LRRTM3: variants seen among roughly 807,000 people sequenced by gnomAD.
LRRTM3 encodes leucine rich repeat transmembrane neuronal 3.
Under a neutral mutation model 44.7 loss-of-function variants are expected in LRRTM3, and 24 were observed. That is an observed-to-expected ratio of 0.54 (90% confidence interval 0.39 to 0.76). The LOEUF (loss-of-function observed/expected upper bound fraction) is 0.76. LRRTM3 is among the 30% of genes least tolerant of loss of function. The probability of loss-of-function intolerance (pLI) is 0.00; values close to 1 mark genes in which losing one functional copy is unlikely to be tolerated. For missense variants in LRRTM3, 587 were observed against 702.2 expected, an observed-to-expected ratio of 0.84 and a Z score of 1.85; for synonymous variants, 277 against 278.7, an observed-to-expected ratio of 0.99 and a Z score of 0.06.
In LRRTM3 at chr10:66,928,302, G is replaced by GA; in HGVS notation, c.1391dup (p.Lys465GlufsTer20). On this transcript the variant is annotated frameshift_variant, in exon 2 of 3. Coordinates refer to ENST00000361320, the MANE Select transcript of LRRTM3 (RefSeq NM_178011.5). LOFTEE classifies it high-confidence loss of function. ...AGCGCTCCCTCATGCGAAGGCACAG[G>GA]AAAAAGAAAAGACAGTCCCTAAAGC... The GA allele has an allele frequency of 6.2e-7, 1 of 1,614,096 alleles. No homozygotes were observed. The highest frequency in any genetic ancestry group is 8.5e-7 in the Non-Finnish European group (1 of 1,180,022).
At chr10:67,059,583 G>A (rs1855640177) in intron 2 of LRRTM3, among the ~76,000 whole-genome samples, 1 of 152,108 alleles carries the variant, frequency 6.6e-6, no homozygotes, top group Admixed American at 6.6e-5. Flanking sequence ...GAGTCTTAAA[G>A]GATTTTTAAA....
chr10:66,984,866 C>T (rs1341552037), intron 2 of LRRTM3, among the ~76,000 whole-genome samples: 1 of 152,120 alleles, frequency 6.6e-6, no homozygotes, highest in Non-Finnish European at 1.5e-5. Flanking sequence ...CTGCCTTTTA[C>T]TGACACACAT....
At chr10:66,940,164 G>A (rs984798424) in intron 2 of LRRTM3, among the ~76,000 whole-genome samples, 3 of 152,064 alleles carry the variant, frequency 2.0e-5, no homozygotes, top group South Asian at 2.1e-4. Flanking sequence ...GATGGAAAAC[G>A]TTGTTCTGAA....
chr10:67,069,538 A>T (rs1274276161), intron 2 of LRRTM3, among the ~76,000 whole-genome samples: 1 of 151,946 alleles, frequency 6.6e-6, no homozygotes, highest in Non-Finnish European at 1.5e-5. Context: ...AACAGATATT[A>T]CAAGGTGTAC....
intron 2 of LRRTM3, among the ~76,000 whole-genome samples, chr10:66,952,244 G>C (rs189917702): frequency 6.6e-6 from 1 of 152,164 alleles, no homozygotes. Flanking sequence ...CATTGTAATT[G>C]AAACTATGCA....
At chr10:67,005,560 G>C (rs1320075221) in intron 2 of LRRTM3, among the ~76,000 whole-genome samples, 1 of 151,814 alleles carries the variant, frequency 6.6e-6, no homozygotes, top group African/African-American at 2.4e-5. Flanking sequence ...GATAAGGGAA[G>C]AGGAGGCAAA....
At chr10:66,991,699 G>C (rs1466796057) in intron 2 of LRRTM3, among the ~76,000 whole-genome samples, 1 of 152,114 alleles carries the variant, frequency 6.6e-6, no homozygotes, top group African/African-American at 2.4e-5. Context: ...TTAGAGGCAT[G>C]CACCAGAAAA....
intron 2 of LRRTM3, among the ~76,000 whole-genome samples, chr10:66,969,270 T>C (rs971007963): frequency 1.3e-5 from 2 of 152,138 alleles, no homozygotes; most frequent in African/African-American, 2.4e-5. Context: ...TGATACTGTA[T>C]ATCAATTTTA....
Position 66,939,416 on chromosome 10 carries a change from A to G in LRRTM3, c.1536+10964A>G, listed in dbSNP as rs535850752. On this transcript the variant is annotated intron_variant, in intron 2 of 2. Transcript: ENST00000361320. ...CTTCAAACTGAGTTAAAAGGAAAAT[A>G]CTAATAGTTTTATCTCTCATGAAAG... 1.1e-3 allele frequency among the ~76,000 whole-genome samples: 173 copies of G among 152,318 alleles called. 1 individual carries two copies. The highest frequency in any genetic ancestry group is 4.1e-3 in the African/African-American group (171 of 41,578).
intron 2 of LRRTM3, among the ~76,000 whole-genome samples, chr10:66,981,823 C>T (rs764725286): frequency 2.0e-5 from 3 of 152,182 alleles, no homozygotes; most frequent in Non-Finnish European, 4.4e-5. Context: ...GTGAGGACAT[C>T]GAGCACATTG....
chr10:66,968,582 C>T (rs1408120538), intron 2 of LRRTM3, among the ~76,000 whole-genome samples: 1 of 151,856 alleles, frequency 6.6e-6, no homozygotes, highest in Non-Finnish European at 1.5e-5. Context: ...AGGTTGTCTC[C>T]TCAGTGCCTA....
intron 2 of LRRTM3, among the ~76,000 whole-genome samples, chr10:67,035,439 C>A (rs892429834): frequency 1.3e-5 from 2 of 151,966 alleles, no homozygotes; most frequent in African/African-American, 2.4e-5. Flanking sequence ...GAAGTTGTTG[C>A]TCTTGTAGAT....
In LRRTM3 at chr10:66,952,560, C is replaced by T. The variant is rs573364697; in HGVS notation, c.1536+24108C>T. On this transcript the variant is annotated intron_variant, in intron 2 of 2. Coordinates refer to ENST00000361320, the MANE Select transcript of LRRTM3 (RefSeq NM_178011.5). ...ATTTATGTGTGTGTGTGTGGAGGCA[C>T]GCACACATGCATGTGCATCATGATG... Among the ~76,000 whole-genome samples the T allele has an allele frequency of 7.9e-5, 12 of 152,032 alleles. No homozygotes were observed. The East Asian group carries it at 1.2e-3, about 15-fold the overall frequency.
chr10:67,088,382 T>C (rs1276355459), intron 2 of LRRTM3, among the ~76,000 whole-genome samples: 1 of 151,938 alleles, frequency 6.6e-6, no homozygotes. Flanking sequence ...AGCCAATCCA[T>C]ATTTATTTTT....
chr10:66,956,485 C>T (rs1036752982), intron 2 of LRRTM3, among the ~76,000 whole-genome samples: 2 of 151,938 alleles, frequency 1.3e-5, no homozygotes, highest in Non-Finnish European at 2.9e-5. Flanking sequence ...TATTGTCATC[C>T]AGGCAATAAA....
At chr10:67,010,131 T>C (rs1852229185) in intron 2 of LRRTM3, among the ~76,000 whole-genome samples, 1 of 152,192 alleles carries the variant, frequency 6.6e-6, no homozygotes, top group Non-Finnish European at 1.5e-5. Context: ...ACTAGTACTA[T>C]GGCATTACAA....
At chr10:66,938,329 A>G (rs1347445144) in intron 2 of LRRTM3, among the ~76,000 whole-genome samples, 1 of 152,186 alleles carries the variant, frequency 6.6e-6, no homozygotes, top group Non-Finnish European at 1.5e-5. Flanking sequence ...TTACTCCCCC[A>G]GAACTACTAA....
Position 66,928,130 on chromosome 10 carries a change from G to C in LRRTM3, c.1214G>C (p.Gly405Ala). 1 of 1,613,936 alleles carries C rather than the reference G, an allele frequency of 6.2e-7. No homozygotes were observed. Among genetic ancestry groups the C allele is most frequent in the Non-Finnish European group, 8.5e-7 (1 of 1,180,016 alleles). Residue 405 changes from glycine (G) to alanine (A), a missense_variant, in exon 2 of 3, where the codon GGC becomes GCC. Gly to Ala is a moderately conservative substitution (Grantham distance 60, BLOSUM62 0). Transcript: ENST00000361320. ...CCGACGGTGGGAGCCACAGAGCCCG[G>C]CCCAGAGACCGATGCTGACGCCGAG... ...LPPTVGATEP[G>A]PETDADAEHI...
intron 2 of LRRTM3, among the ~76,000 whole-genome samples, chr10:67,061,701 G>A (rs1315913047): frequency 3.3e-5 from 5 of 152,174 alleles, no homozygotes; most frequent in East Asian, 3.8e-4. Context: ...AAAGAGAAAC[G>A]ATATTTCAGC....
Sources: gnomAD v4.1 joint callset for allele counts (sites outside exome capture counted in the v4.1 genomes callset) on GRCh38, gnomAD v4.1.1 for gene constraint, MANE v1.5 for transcripts, NCBI Gene and HGNC (gene_info 2026-07-23, HGNC 2026-07-21) for gene names.